Variants in RBM17 observed in about 807,000 individuals in gnomAD.
RBM17 encodes RNA binding motif protein 17.
In RBM17, 7 loss-of-function variants were observed where a neutral mutation model predicts 53.2. That is an observed-to-expected ratio of 0.13 (90% CI 0.07 to 0.25). RBM17 has a LOEUF of 0.25. RBM17 is among the 10% of genes least tolerant of loss of function. The pLI, the probability that RBM17 is intolerant of heterozygous loss-of-function variation, is 1.00. For missense variants in RBM17, 257 were observed against 496.7 expected (o/e 0.52, Z 4.59); for synonymous variants, 167 against 178.1 (o/e 0.94, Z 0.50).
At position 6,100,594 on chromosome 10, in the gene RBM17, G is replaced by T. The variant is rs558773161; in HGVS notation, c.124-677G>T. Among the ~76,000 whole-genome samples, 983 of 152,306 alleles carry T rather than the reference G, an allele frequency of 6.5e-3. 10 individuals carry two copies. The highest frequency in any genetic ancestry group is 0.022 in the African/African-American group (899 of 41,552). ...TGAAGATGATGGTGATGATGATGAT[G>T]GGGAAGAGGGACTGTTCTTAATCAA... On this transcript the variant is annotated intron_variant, in intron 2 of 11. Coordinates refer to ENST00000379888, the MANE Select transcript of RBM17 (RefSeq NM_032905.5).
rs2132933357 is a variant in RBM17 at position 6,089,799 on chromosome 10, T to C, written c.-19+606T>C. 1 of 152,224 alleles carries C rather than the reference T, an allele frequency of 6.6e-6. No homozygotes were observed. Among genetic ancestry groups the C allele is most frequent in the East Asian group, 1.9e-4 (1 of 5,310 alleles). The allele number at this position is 152,224 out of a possible 1,614,324, so 9.4% of individuals were successfully genotyped here. A position where few individuals can be genotyped will look rare whatever the true frequency, so the allele number is the denominator to read the frequency against. ...TGAGCTTCGCCTCTTGCCCCGAGAA[T>C]GTGTAATGATCGGAGAATGCAGGTG... On this transcript the variant is annotated intron_variant, in intron 1 of 11. Transcript: ENST00000379888. The surrounding 1 kb of genome is among the most constrained non-coding windows in gnomAD (Gnocchi z 5.6).
Position 6,108,703 on chromosome 10 carries a change from A to G in RBM17, c.523A>G (p.Ile175Val). The G allele has an allele frequency of 6.2e-7, 1 of 1,612,728 alleles. No individual in the cohort carries two copies. ...RRKRSMGGAA[I>V]APPTSLVEKD... The stretch of plus-strand genomic sequence containing the variant: ...TTTTGCAGGTATGGGCGGAGCTGCC[A>G]TTGCCCCACCCACTTCTCTGGTAGA... Residue 175 changes from isoleucine (I) to valine (V), a missense_variant, in exon 6 of 12, where the codon ATT becomes GTT. Transcript: ENST00000379888.
chr10:6,112,572 T>C lies in RBM17; in HGVS notation c.856+211T>C. ...TTTGTGAAACCAGGAATCCTGAGGC[T>C]CATCTTTATTTTTTCAGAACAGACG... is the stretch of plus-strand genomic sequence containing the variant. On this transcript the variant is annotated intron_variant, in intron 8 of 11. Transcript: ENST00000379888. The surrounding 1 kb of genome is among the most constrained non-coding windows in gnomAD (Gnocchi z 4.4). 1.7e-6 allele frequency: 1 copy of C among 591,116 alleles called. No homozygotes were observed. The highest frequency in any genetic ancestry group is 1.9e-5 in the South Asian group (1 of 51,676). 36.6% of individuals were successfully genotyped at this position (591,116 alleles called of 1,614,324 possible). A position where few individuals can be genotyped will look rare whatever the true frequency, so the allele number is the denominator to read the frequency against.
rs868731335 is a variant in RBM17, at chr10:6,099,132, A to C, written c.123+1944A>C. Among the ~76,000 whole-genome samples, 55 of 151,106 alleles carry C rather than the reference A, an allele frequency of 3.6e-4. 1 individual carries two copies. Among genetic ancestry groups the C allele is most frequent in the Non-Finnish European group, 8.8e-5 (6 of 67,798 alleles). ...CATTTATAAAATCTTTGTAGATTTC[A>C]TGTAACTTTTGCTTTGCAGGGAAGA... On this transcript the variant is annotated intron_variant, in intron 2 of 11. Coordinates refer to ENST00000379888, the MANE Select transcript of RBM17 (RefSeq NM_032905.5).
chr10:6,113,924 G>T (rs1588352926), intron 9 of RBM17, 125 bp from the exon 10 acceptor site: 1 of 660,586 alleles, frequency 1.5e-6, no homozygotes, highest in Non-Finnish European at 2.6e-6. Context: ...CTTTGGGGAT[G>T]AAATTTTTCA....
chr10:6,106,284 G>A, intron 5 of RBM17, 46 bp downstream of exon 5: 3 of 1,231,108 alleles, frequency 2.4e-6, no homozygotes, highest in Non-Finnish European at 3.6e-6. Flanking sequence ...AATACTGGAA[G>A]TGCAATTCCA....
intron 4 of RBM17, 144 bp from the exon 5 acceptor site, chr10:6,105,997 T>C: frequency 3.5e-6 from 2 of 578,748 alleles, no homozygotes; most frequent in Non-Finnish European, 6.3e-6. Flanking sequence ...TTACCAGTTA[T>C]GCTTCCTACC....
intron 1 of RBM17, among the ~76,000 whole-genome samples, chr10:6,094,082 C>A (rs1180021643): frequency 6.7e-6 from 1 of 148,934 alleles, no homozygotes; most frequent in African/African-American, 2.5e-5. Flanking sequence ...TCACGCCATT[C>A]TCCCGCCTCA....
intron 1 of RBM17, among the ~76,000 whole-genome samples, chr10:6,091,811 C>A (rs1311462309): frequency 1.3e-5 from 2 of 149,284 alleles, no homozygotes; most frequent in Non-Finnish European, 3.0e-5. Context: ...GCATAACTTG[C>A]CAAGGTTGCT....
Position 6,112,151 on chromosome 10 carries a change from A to C in RBM17, c.705-59A>C. On this transcript the variant is annotated intron_variant, in intron 7 of 11. Transcript: ENST00000379888. The surrounding 1 kb of genome is among the most constrained non-coding windows in gnomAD (Gnocchi z 4.4). ...GGAGGTTGTTGTGATGGAAAAATGC[A>C]ACCTATCTCCAGTTGACGATGTCAA... 6.4e-7 allele frequency: 1 copy of C among 1,571,348 alleles called. No individual in the cohort carries two copies.
At position 6,113,502 on chromosome 10, in the gene RBM17, A is replaced by T. The variant is rs748558517; in HGVS notation, c.857-6A>T. 6.2e-7 allele frequency: 1 copy of T among 1,601,834 alleles called. No homozygotes were observed. The highest frequency in any genetic ancestry group is 1.7e-5 in the Admixed American group (1 of 60,000). On this transcript the variant is annotated splice_region_variant and splice_polypyrimidine_tract_variant and intron_variant, in intron 8 of 11. Transcript: ENST00000379888. ...GTAACACATCTAATGGTATGTTTTG[A>T]TACAGATGCATCCAAGAAGTCAGAT...
At chr10:6,093,445 C>A (rs887097921) in intron 1 of RBM17, among the ~76,000 whole-genome samples, 66 of 152,268 alleles carry the variant, frequency 4.3e-4, no homozygotes, top group African/African-American at 1.5e-3. Context: ...TCTCAAACTC[C>A]TGACCTCAAG....
At chr10:6,096,157 T>C (rs534906871) in intron 1 of RBM17, among the ~76,000 whole-genome samples, 1 of 152,316 alleles carries the variant, frequency 6.6e-6, no homozygotes, top group East Asian at 1.9e-4. Context: ...AAGTAAGCTA[T>C]GTTGGTGGGT....
At position 6,105,143 on chromosome 10, in the gene RBM17, C is replaced by G. The variant is rs780050935; in HGVS notation, c.407+46C>G. 2.5e-6 allele frequency: 4 copies of G among 1,575,196 alleles called. No homozygotes were observed. In the East Asian group the frequency reaches 9.0e-5, roughly 36 times the overall value. On this transcript the variant is annotated intron_variant, in intron 4 of 11. Transcript: ENST00000379888. Reference sequence around the variant, plus strand: ...GGGGATATTTTACAGTTGAAATGTTCATTAAAATGTTAACGAATGAGCGTC... The same window carrying G: ...GGGGATATTTTACAGTTGAAATGTTGATTAAAATGTTAACGAATGAGCGTC...
intron 7 of RBM17, among the ~76,000 whole-genome samples, chr10:6,111,986 A>G (rs1219978371): frequency 6.6e-6 from 1 of 152,204 alleles, no homozygotes; most frequent in Admixed American, 6.5e-5. Flanking sequence ...CCTCCAAGAC[A>G]ACAGGATGTT....
chr10:6,114,180 A>G (rs1410062689), intron 10 of RBM17, 33 bp downstream of exon 10: 2 of 1,287,932 alleles, frequency 1.6e-6, no homozygotes, highest in East Asian at 4.7e-5. Flanking sequence ...TTTATAACAC[A>G]AGTTGTAATT....
At chr10:6,110,164 A>G in intron 7 of RBM17, 37 bp downstream of exon 7, 1 of 1,573,160 alleles carries the variant, frequency 6.4e-7, no homozygotes, top group East Asian at 2.3e-5. Context: ...GACTTGAGAG[A>G]CAGTGTGAAG....
chr10:6,113,719 T>A, intron 9 of RBM17, 138 bp downstream of exon 9: 1 of 657,198 alleles, frequency 1.5e-6, no homozygotes, highest in South Asian at 1.8e-5. Flanking sequence ...CACGTAAGGC[T>A]GATTTTAGAT....
chr10:6,110,138 A>C lies in RBM17; in HGVS notation c.704+11A>C, dbSNP rs1328959317. ...CCTCGCTAACATGGGGTAATGATTT[A>C]ATGTTCTTATCTAAGGACTTGAGAG... On this transcript the variant is annotated intron_variant, in intron 7 of 11. Transcript: ENST00000379888. The C allele has an allele frequency of 6.2e-7, 1 of 1,603,542 alleles. No homozygotes were observed. The highest frequency in any genetic ancestry group is 8.5e-7 in the Non-Finnish European group (1 of 1,174,922).
Sources: gnomAD v4.1 joint callset for allele counts (sites outside exome capture counted in the v4.1 genomes callset) on GRCh38, gnomAD v4.1.1 for gene constraint, Gnocchi (gnomAD v3.1) non-coding constraint, MANE v1.5 for transcripts, NCBI Gene and HGNC (gene_info 2026-07-23, HGNC 2026-07-21) for gene names.